The following ABCB7 variants were observed in gnomAD, a reference collection of about 807,000 sequenced individuals.
The protein encoded by ABCB7 is iron-sulfur clusters transporter ABCB7, mitochondrial.
Under a neutral mutation model 54.4 loss-of-function variants are expected in ABCB7, and 7 were observed. That is an observed-to-expected ratio of 0.13 (90% CI 0.07 to 0.24). The LOEUF (loss-of-function observed/expected upper bound fraction) is 0.24. ABCB7 is among the 10% of genes least tolerant of loss of function. The pLI is 1.00. For synonymous variants in ABCB7, 218 were observed against 207.1 expected, an observed-to-expected ratio of 1.05 and a Z score of -0.45; for missense variants, 356 against 570.4, an observed-to-expected ratio of 0.62 and a Z score of 3.83.
At chrX:75,072,485 T>C (rs1176886507) in intron 8 of ABCB7, among the ~76,000 whole-genome samples, 6 of 112,055 alleles carry the variant, frequency 5.4e-5, no homozygotes, top group Non-Finnish European at 1.1e-4. Flanking sequence ...AGCACGTTAC[T>C]ATATTGAATA....
At chrX:75,149,956 G>C (rs1400286473) in intron 1 of ABCB7, among the ~76,000 whole-genome samples, 2 of 111,697 alleles carry the variant, frequency 1.8e-5, no homozygotes, top group African/African-American at 6.5e-5. Context: ...TATTTGTAGA[G>C]AAACAGTTTA....
intron 4 of ABCB7, among the ~76,000 whole-genome samples, chrX:75,094,050 A>ATATATATATCTATCTATC (rs1314153062): frequency 1.5e-4 from 3 of 20,487 alleles, no homozygotes; most frequent in African/African-American, 2.1e-4. Flanking sequence ...ATATATATAT[A>ATATATATATCTATCTATC]TATCTATCTT....
intron 1 of ABCB7, among the ~76,000 whole-genome samples, chrX:75,136,738 C>G (rs1241696009): frequency 2.7e-5 from 3 of 111,724 alleles, no homozygotes; most frequent in Non-Finnish European, 5.6e-5. Flanking sequence ...AGCTGCACAC[C>G]AACAGCCATC....
chrX:75,138,748 C>T lies in ABCB7; in HGVS notation c.168+17357G>A, dbSNP rs184136106. ...ATATGAGGCCAGGCGCAGTGGCTCA[C>T]GCCTGTAATCCCAGCACTTTGGGAA... On this transcript the variant is annotated intron_variant, in intron 1 of 15. Coordinates refer to ENST00000373394, the MANE Select transcript of ABCB7 (RefSeq NM_001271696.3). 3.6e-5 allele frequency among the ~76,000 whole-genome samples: 4 copies of T among 111,348 alleles called. No homozygotes were observed. In the East Asian group the frequency reaches 8.5e-4, roughly 24 times the overall value.
chrX:75,073,669 A>G lies in ABCB7; in HGVS notation c.1032+20T>C. The G allele has an allele frequency of 8.9e-7, 1 of 1,120,391 alleles. No homozygotes were observed. The highest frequency in any genetic ancestry group is 1.8e-5 in the South Asian group (1 of 54,896). The allele number at this position is 1,120,391 out of a possible 1,213,427, so 92.3% of individuals were successfully genotyped here. ...TAGTGCAGTGTGAAAGGCAGAGGAA[A>G]GTATAATTAAACATATTACCTTCAC... On this transcript the variant is annotated intron_variant, in intron 8 of 15. Coordinates refer to ENST00000373394, the MANE Select transcript of ABCB7 (RefSeq NM_001271696.3).
chrX:75,113,009 T>C, intron 2 of ABCB7, 37 bp from the exon 3 acceptor site: 1 of 1,117,974 alleles, frequency 8.9e-7, no homozygotes, highest in Non-Finnish European at 1.2e-6. Flanking sequence ...CGTTAGCTAT[T>C]ACAGAATTTC....
chrX:75,127,324 T>C (rs755133326), intron 1 of ABCB7, among the ~76,000 whole-genome samples: 14 of 111,719 alleles, frequency 1.3e-4, no homozygotes, highest in Non-Finnish European at 2.6e-4. Context: ...ATTATCTCAA[T>C]AGATGCAGAA....
chrX:75,056,986 T>A (rs2081245612), intron 15 of ABCB7, among the ~76,000 whole-genome samples: 1 of 112,304 alleles, frequency 8.9e-6, no homozygotes, highest in African/African-American at 3.2e-5. Flanking sequence ...TTAATTCTAT[T>A]TTTCTTCTGT....
intron 1 of ABCB7, among the ~76,000 whole-genome samples, chrX:75,149,510 C>A (rs2082116606): frequency 9.0e-6 from 1 of 111,465 alleles, no homozygotes; most frequent in Admixed American, 9.5e-5. Flanking sequence ...AGCAGTGGAG[C>A]AAATATTATT....
chrX:75,109,650 G>C (rs2081740316), intron 3 of ABCB7, among the ~76,000 whole-genome samples: 1 of 111,239 alleles, frequency 9.0e-6, no homozygotes, highest in Non-Finnish European at 1.9e-5. Flanking sequence ...AACTACTTGG[G>C]GACAAAACTT....
At chrX:75,126,913 TTAA>T (rs2081935652) in intron 1 of ABCB7, among the ~76,000 whole-genome samples, 1 of 111,299 alleles carries the variant, frequency 9.0e-6, no homozygotes, top group Admixed American at 9.5e-5. Context: ...GAGGCAGGAA[TTAA>T]TAGCCTACCA....
At chrX:75,146,188 T>C (rs1036495838) in intron 1 of ABCB7, among the ~76,000 whole-genome samples, 1 of 111,196 alleles carries the variant, frequency 9.0e-6, no homozygotes, top group East Asian at 2.8e-4. Context: ...GGAAAAACAT[T>C]TCATGCTCAT....
chrX:75,080,451 C>A (rs1425307630), intron 4 of ABCB7, among the ~76,000 whole-genome samples: 1 of 111,047 alleles, frequency 9.0e-6, no homozygotes, highest in African/African-American at 3.3e-5. Flanking sequence ...ACTACAATTG[C>A]ACGCCACCAG....
In ABCB7 at chrX:75,079,845, C is replaced by T. The variant is rs148065130; in HGVS notation, c.454-3191G>A. 4.4e-3 allele frequency among the ~76,000 whole-genome samples: 488 copies of T among 111,855 alleles called. 2 individuals are homozygous for T. The highest frequency in any genetic ancestry group is 0.015 in the African/African-American group (465 of 30,770). On this transcript the variant is annotated intron_variant, in intron 4 of 15. Transcript: ENST00000373394. ...ACCACAAGAGAAATCCATTATGCCA[C>T]CACTTTGTATTCACCCCCGTTCTAC... is the stretch of plus-strand genomic sequence containing the variant.
intron 8 of ABCB7, among the ~76,000 whole-genome samples, chrX:75,073,326 G>C (rs1274358979): frequency 8.9e-6 from 1 of 111,773 alleles, no homozygotes; most frequent in Non-Finnish European, 1.9e-5. Context: ...GAGTAATAGA[G>C]TAATGAATTG....
At chrX:75,105,929 T>G (rs1274013657) in intron 3 of ABCB7, among the ~76,000 whole-genome samples, 1 of 111,573 alleles carries the variant, frequency 9.0e-6, no homozygotes, top group Non-Finnish European at 1.9e-5. Flanking sequence ...GAAAATCAGA[T>G]AGTCACATAC....
intron 15 of ABCB7, among the ~76,000 whole-genome samples, 197 bp downstream of exon 15, chrX:75,060,026 T>C (rs995311745): frequency 1.3e-4 from 15 of 112,145 alleles, no homozygotes; most frequent in African/African-American, 4.2e-4. Flanking sequence ...TATAATACTT[T>C]AATAAAGAGT....
At chrX:75,153,783 ATGTG>A (rs1265972624) in intron 1 of ABCB7, among the ~76,000 whole-genome samples, 9 of 62,371 alleles carry the variant, frequency 1.4e-4, no homozygotes, top group South Asian at 1.9e-3. Flanking sequence ...TAAAATATAT[ATGTG>A]TGTGTGTATA....
intron 1 of ABCB7, among the ~76,000 whole-genome samples, chrX:75,119,048 G>T (rs1203840364): frequency 8.9e-6 from 1 of 112,296 alleles, no homozygotes; most frequent in Non-Finnish European, 1.9e-5. Flanking sequence ...TGTGTATGAT[G>T]CTTATATCTA....
Sources: gnomAD v4.1 joint callset for allele counts (sites outside exome capture counted in the v4.1 genomes callset) on GRCh38, gnomAD v4.1.1 for gene constraint, MANE v1.5 for transcripts, NCBI Gene and HGNC (gene_info 2026-07-23, HGNC 2026-07-21) for gene names.